The following PACS2 variants were observed in gnomAD, a reference collection of about 807,000 sequenced individuals.
PACS2 encodes the protein PACS1-like protein.
Under a neutral mutation model 113.0 loss-of-function variants are expected in PACS2, and 36 were observed. The ratio of observed to expected loss-of-function variants is 0.32; its 90% confidence interval spans 0.24 to 0.42. PACS2 has a LOEUF of 0.42. PACS2 is among the 10% of genes least tolerant of loss of function. The probability of loss-of-function intolerance (pLI) is 1.00; values close to 1 mark genes in which losing one functional copy is unlikely to be tolerated. For missense variants in PACS2, 1,015 were observed against 1,239.5 expected (o/e 0.82, Z 2.72); for synonymous variants, 589 against 536.1 (o/e 1.10, Z -1.36).
At position 105,391,315 on chromosome 14, in the gene PACS2, C is replaced by G. The variant is rs370179389; in HGVS notation, c.2119+66C>G. On this transcript the variant is annotated intron_variant, in intron 21 of 24. Coordinates refer to ENST00000447393, the MANE Select transcript of PACS2 (RefSeq NM_001100913.3). ...GGTGGGCTGCAGGAGCACGGTCATT[C>G]GAGTCCTGCAGACCAGATCAACCTT... 4.1e-6 allele frequency: 5 copies of G among 1,212,056 alleles called. No individual in the cohort carries two copies. In the Admixed American group the frequency reaches 6.8e-5, roughly 16 times the overall value. The allele number at this position is 1,212,056 out of a possible 1,614,324, so 75.1% of individuals were successfully genotyped here.
At position 105,358,686 on chromosome 14, in the gene PACS2, T is replaced by C. The variant is rs1431400471; in HGVS notation, c.423+3509T>C. Among the ~76,000 whole-genome samples, 1 of 152,100 alleles carries C rather than the reference T, an allele frequency of 6.6e-6. No individual in the cohort carries two copies. The highest frequency in any genetic ancestry group is 1.5e-5 in the Non-Finnish European group (1 of 67,994). On this transcript the variant is annotated intron_variant, in intron 4 of 24. Transcript: ENST00000447393. This position sits in a 1 kb window ranked among gnomAD's most constrained non-coding sequence, Gnocchi z 4.9. ...TGGTGGCTGAGGGAGCAGCCATGCT[T>C]CTTTGCACAGCCGGACTCCTCTTGT...
chr14:105,378,086 G>A (rs1555410907), intron 9 of PACS2, among the ~76,000 whole-genome samples: 1 of 152,216 alleles, frequency 6.6e-6, no homozygotes, highest in Non-Finnish European at 1.5e-5. Context: ...GCCCAGTGAA[G>A]TCCCCCTCAC....
At chr14:105,367,697 G>A (rs2060986906) in intron 5 of PACS2, among the ~76,000 whole-genome samples, 2 of 152,270 alleles carry the variant, frequency 1.3e-5, no homozygotes, top group South Asian at 4.1e-4. Context: ...ATGGGCAGGT[G>A]CCACAGCTGC....
chr14:105,382,732 G>C, intron 14 of PACS2, 75 bp from the exon 15 acceptor site: 1 of 1,012,746 alleles, frequency 9.9e-7, no homozygotes, highest in Admixed American at 2.0e-5. Flanking sequence ...GCCCCTGAGA[G>C]CTTTGGTGAG....
rs146250068 is a variant in PACS2, at chr14:105,333,590, C to T, written c.120-14903C>T. 1.7e-3 allele frequency among the ~76,000 whole-genome samples: 259 copies of T among 152,340 alleles called. 1 individual carries two copies. The highest frequency in any genetic ancestry group is 6.0e-3 in the African/African-American group (248 of 41,580). On this transcript the variant is annotated intron_variant, in intron 1 of 24. Transcript: ENST00000447393. ...ATGTTCCTGGGACCCGTTGGGCTTG[C>T]GGTGGCCACTTGGGAAAGCTGAGCA...
intron 8 of PACS2, chr14:105,372,546 T>C (rs587609443): frequency 2.0e-5 from 3 of 152,320 alleles, no homozygotes; most frequent in East Asian, 3.9e-4. Context: ...ATGGTAAATA[T>C]TATGTTTTAT....
chr14:105,383,243 T>G, intron 15 of PACS2, 116 bp from the exon 16 acceptor site: 1 of 1,209,800 alleles, frequency 8.3e-7, no homozygotes, highest in Non-Finnish European at 1.2e-6. Flanking sequence ...AGGGCAGTTG[T>G]GGCATGAGCG....
In PACS2 at chr14:105,352,309, C is replaced by T. The variant is rs142147751; in HGVS notation, c.208-69C>T. The T allele has an allele frequency of 6.1e-5, 60 of 977,842 alleles. No individual in the cohort carries two copies. The East Asian group carries it at 1.2e-3, about 19-fold the overall frequency. 60.6% of individuals were successfully genotyped at this position (977,842 alleles called of 1,614,324 possible). A position where few individuals can be genotyped will look rare whatever the true frequency, so the allele number is the denominator to read the frequency against. On this transcript the variant is annotated intron_variant, in intron 2 of 24. Transcript: ENST00000447393. ...TGCCAGTTTTAGAGTGCAGGAGTCA[C>T]GGTGTCTTTGCCTGGTTTCCTGCTG... is the stretch of plus-strand genomic sequence containing the variant.
chr14:105,308,637 T>C (rs903423863), intron 1 of PACS2, among the ~76,000 whole-genome samples: 1 of 151,722 alleles, frequency 6.6e-6, no homozygotes, highest in African/African-American at 2.4e-5. Context: ...TATGAGCCAC[T>C]GTGCCCAGCT....
intron 4 of PACS2, among the ~76,000 whole-genome samples, chr14:105,362,182 GCCA>G (rs2060717540): frequency 6.6e-6 from 1 of 151,924 alleles, no homozygotes; most frequent in Admixed American, 6.6e-5. Flanking sequence ...ACTTTGGGAG[GCCA>G]CGGTGGGCGG....
Position 105,317,800 on chromosome 14 carries a change from G to A in PACS2, c.119+2763G>A, listed in dbSNP as rs1167646516. 6.6e-6 allele frequency among the ~76,000 whole-genome samples: 1 copy of A among 152,186 alleles called. No homozygotes were observed. The highest frequency in any genetic ancestry group is 2.4e-5 in the African/African-American group (1 of 41,440). On this transcript the variant is annotated intron_variant, in intron 1 of 24. Coordinates refer to ENST00000447393, the MANE Select transcript of PACS2 (RefSeq NM_001100913.3). This position sits in a 1 kb window ranked among gnomAD's most constrained non-coding sequence, Gnocchi z 4.2. ...CACATTGACTGTTTGCCAGGCTGGG[G>A]TGCTGGTCTCGTTTCGGTTCTCCTT...
At chr14:105,333,270 C>T (rs587735876) in intron 1 of PACS2, among the ~76,000 whole-genome samples, 9 of 152,370 alleles carry the variant, frequency 5.9e-5, no homozygotes, top group African/African-American at 1.2e-4. Context: ...TGCCCACAGC[C>T]GTGCCCTGTG....
rs1555415543 is a variant in PACS2, at chr14:105,393,336, G to T, written c.2596+1G>T. 1 of 1,603,660 alleles carries T rather than the reference G, an allele frequency of 6.2e-7. No homozygotes were observed. The highest frequency in any genetic ancestry group is 1.3e-5 in the African/African-American group (1 of 74,934). On this transcript the variant is annotated splice_donor_variant, in intron 24 of 24. Coordinates refer to ENST00000447393, the MANE Select transcript of PACS2 (RefSeq NM_001100913.3). LOFTEE classifies it high-confidence loss of function. ...AGGCAGCAGCAGAACATGCTGCGGG[G>T]TGAGCACCACCGGCCCCGGGGTCTG...
chr14:105,351,062 C>T (rs781960633), intron 2 of PACS2, among the ~76,000 whole-genome samples: 6 of 152,324 alleles, frequency 3.9e-5, no homozygotes, highest in South Asian at 2.1e-4. Flanking sequence ...GGGCTGGCCC[C>T]GGGCTCCCGT....
chr14:105,394,104 C>A, intron 24 of PACS2: 3 of 549,624 alleles, frequency 5.5e-6, no homozygotes, highest in Non-Finnish European at 6.9e-6. Flanking sequence ...AGAAACGGAG[C>A]TCTGGGAGGC....
chr14:105,369,319 G>A (rs587615886), intron 7 of PACS2, among the ~76,000 whole-genome samples: 2 of 152,276 alleles, frequency 1.3e-5, no homozygotes, highest in African/African-American at 4.8e-5. Flanking sequence ...CCCAACTGTT[G>A]TGAAGGGAGG....
rs183326738 is a variant in PACS2, at chr14:105,369,008, C to T, written c.741+469C>T. ...CAGCTCTTTCCTCAGAGGCCGTGTC[C>T]GGCACTGGCACAGAGGGTCCACCGC... On this transcript the variant is annotated intron_variant, in intron 7 of 24. Transcript: ENST00000447393. 9.2e-4 allele frequency among the ~76,000 whole-genome samples: 140 copies of T among 152,356 alleles called. 3 individuals carry two copies. The East Asian group carries it at 0.015, about 17-fold the overall frequency.
chr14:105,368,376 C>A, intron 6 of PACS2, 83 bp from the exon 7 acceptor site: 1 of 1,097,386 alleles, frequency 9.1e-7, no homozygotes, highest in South Asian at 1.3e-5. Flanking sequence ...CGGGCCTCTC[C>A]CATCGCCCAC....
At chr14:105,392,517 A>C in intron 22 of PACS2, 102 bp from the exon 23 acceptor site, 1 of 1,035,220 alleles carries the variant, frequency 9.7e-7, no homozygotes, top group Admixed American at 2.1e-5. Context: ...GCAAGTTGGC[A>C]CAGGTGCTGG....
Sources: allele counts gnomAD v4.1 joint callset (sites outside exome capture counted in the v4.1 genomes callset), GRCh38; gene constraint gnomAD v4.1.1; non-coding constraint Gnocchi (gnomAD v3.1); transcripts MANE v1.5; gene names NCBI Gene and HGNC (gene_info 2026-07-23, HGNC 2026-07-21).